The following PDE4B variants were observed in gnomAD, a reference collection of about 807,000 sequenced individuals.
PDE4B encodes phosphodiesterase 4B, also known as 3',5'-cyclic-AMP phosphodiesterase 4B.
Under a neutral mutation model 82.2 loss-of-function variants are expected in PDE4B, and 20 were observed. The ratio of observed to expected loss-of-function variants is 0.24; its 90% CI spans 0.17 to 0.35. PDE4B has a LOEUF of 0.35. Ranked by LOEUF, PDE4B falls within the 10% of genes least tolerant of loss-of-function variation. The pLI, the probability that PDE4B is intolerant of heterozygous loss-of-function variation, is 1.00. For synonymous variants in PDE4B, 320 were observed against 318.9 expected (o/e 1.00, Z -0.04); for missense variants, 655 against 907.2 (o/e 0.72, Z 3.57).
chr1:65,817,290 C>A, intron 1 of PDE4B, among the ~76,000 whole-genome samples: 1 of 152,232 alleles, frequency 6.6e-6, no homozygotes, highest in African/African-American at 2.4e-5. Context: ...GCATTCAGAA[C>A]CTTGTTGACA....
chr1:66,098,901 C>A (rs1215052918), intron 3 of PDE4B, among the ~76,000 whole-genome samples: 1 of 152,128 alleles, frequency 6.6e-6, no homozygotes, highest in Non-Finnish European at 1.5e-5. Flanking sequence ...CATGCACACA[C>A]AAATATAGAT....
chr1:66,318,975 T>G (rs551004953), intron 7 of PDE4B, among the ~76,000 whole-genome samples: 2 of 152,296 alleles, frequency 1.3e-5, no homozygotes, highest in Admixed American at 6.5e-5. Context: ...ATAATCTCAT[T>G]TGTAAAAATG....
intron 3 of PDE4B, among the ~76,000 whole-genome samples, chr1:66,163,229 G>T (rs1646653179): frequency 6.6e-6 from 1 of 152,286 alleles, no homozygotes; most frequent in South Asian, 2.1e-4. Context: ...AAGATTTACT[G>T]GTAGGTAGGA....
intron 9 of PDE4B, among the ~76,000 whole-genome samples, chr1:66,356,331 T>C (rs1662239714): frequency 6.6e-6 from 1 of 152,210 alleles, no homozygotes; most frequent in Non-Finnish European, 1.5e-5. Flanking sequence ...TTGTCATGCG[T>C]GTTATTTGAT....
chr1:66,080,448 G>T (rs754965766), intron 3 of PDE4B, among the ~76,000 whole-genome samples: 4 of 152,146 alleles, frequency 2.6e-5, no homozygotes, highest in Non-Finnish European at 5.9e-5. Flanking sequence ...AAAGGGAAAA[G>T]AAGAGACTTC....
At chr1:66,192,567 C>A (rs527504093) in intron 3 of PDE4B, among the ~76,000 whole-genome samples, 1 of 152,214 alleles carries the variant, frequency 6.6e-6, no homozygotes, top group South Asian at 2.1e-4. Context: ...ATATTTATAC[C>A]CATTACCCCT....
chr1:65,986,960 A>G (rs1650987271), intron 3 of PDE4B, among the ~76,000 whole-genome samples: 1 of 152,194 alleles, frequency 6.6e-6, no homozygotes, highest in South Asian at 2.1e-4. Context: ...ATACTGGGAA[A>G]AAGGAAACTT....
chr1:66,197,629 C>A (rs1411993406), intron 3 of PDE4B, among the ~76,000 whole-genome samples: 1 of 152,114 alleles, frequency 6.6e-6, no homozygotes, highest in Non-Finnish European at 1.5e-5. Context: ...ATATACATCT[C>A]AAAGAGTAGT....
chr1:65,816,753 C>T lies in PDE4B; in HGVS notation c.-71+23505C>T, dbSNP rs372643624. 5.9e-5 allele frequency among the ~76,000 whole-genome samples: 9 copies of T among 151,894 alleles called. No homozygotes were observed. In the East Asian group the frequency reaches 1.3e-3, roughly 23 times the overall value. On this transcript the variant is annotated intron_variant, in intron 1 of 16. Coordinates refer to ENST00000341517, the MANE Select transcript of PDE4B (RefSeq NM_002600.4). Reference sequence around the variant, plus strand: ...TTGATTTGGGAAAATTAATATGATACAGTATAAATTAGATAAAAACAAGAT... The same window carrying T: ...TTGATTTGGGAAAATTAATATGATATAGTATAAATTAGATAAAAACAAGAT...
rs533916988 is a variant in PDE4B, at chr1:65,886,124, TTTAA to T, written c.-70-27116_-70-27113del. The stretch of plus-strand genomic sequence containing the variant: ...CATTTTGAAATGACATTTGTATATA[TTTAA>T]TTAAATAAAATCTATTGTTAAAACA... On this transcript the variant is annotated intron_variant, in intron 1 of 16. Transcript: ENST00000341517. Among the ~76,000 whole-genome samples, 27 of 151,826 alleles carry T rather than the reference TTTAA, an allele frequency of 1.8e-4. No individual in the cohort carries two copies. The East Asian group carries it at 4.6e-3, about 26-fold the overall frequency.
chr1:66,170,949 T>A (rs1379257685), intron 3 of PDE4B, among the ~76,000 whole-genome samples: 2 of 152,210 alleles, frequency 1.3e-5, no homozygotes, highest in African/African-American at 4.8e-5. Flanking sequence ...GAGATTAAAC[T>A]TTGAACTGCT....
chr1:65,808,430 A>G (rs1386224310), intron 1 of PDE4B, among the ~76,000 whole-genome samples: 1 of 152,202 alleles, frequency 6.6e-6, no homozygotes, highest in Non-Finnish European at 1.5e-5. Context: ...TCAGCTTCCC[A>G]AAGTGCTGAG....
In PDE4B at chr1:65,886,178, CA is replaced by C. The variant is rs1003831940; in HGVS notation, c.-70-27058del. On this transcript the variant is annotated intron_variant, in intron 1 of 16. Coordinates refer to ENST00000341517, the MANE Select transcript of PDE4B (RefSeq NM_002600.4). Reference sequence around the variant, plus strand: ...AAAAAAATAAATTGCTGAATCTATCCAAAAAAAAAGAAAATGCTTTGTAAAC... The same window carrying C: ...AAAAAAATAAATTGCTGAATCTATCCAAAAAAAAGAAAATGCTTTGTAAAC... 7.7e-4 allele frequency among the ~76,000 whole-genome samples: 114 copies of C among 148,214 alleles called. 1 individual carries two copies. The highest frequency in any genetic ancestry group is 2.0e-3 in the African/African-American group (80 of 40,420).
chr1:66,083,160 G>A (rs1656828848), intron 3 of PDE4B, among the ~76,000 whole-genome samples: 1 of 151,992 alleles, frequency 6.6e-6, no homozygotes, highest in South Asian at 2.1e-4. Context: ...TTCTCTGCCT[G>A]CGTGGCCACA....
intron 8 of PDE4B, among the ~76,000 whole-genome samples, chr1:66,351,945 C>T (rs1244616232): frequency 1.3e-5 from 2 of 152,182 alleles, no homozygotes; most frequent in Non-Finnish European, 2.9e-5. Context: ...CTGGACTCTA[C>T]ATATACTAGA....
At position 66,034,547 on chromosome 1, in the gene PDE4B, C is replaced by T. The variant is rs189937839; in HGVS notation, c.281+115712C>T. Among the ~76,000 whole-genome samples, 370 of 152,222 alleles carry T rather than the reference C, an allele frequency of 2.4e-3. 5 individuals are homozygous for T. The highest frequency in any genetic ancestry group is 0.017 in the Admixed American group (263 of 15,282). On this transcript the variant is annotated intron_variant, in intron 3 of 16. Transcript: ENST00000341517. ...CTGGCTTAACTACAAAAACCATTAT[C>T]TAAAATCCATACCAAACATTAAAAG... is the stretch of plus-strand genomic sequence containing the variant.
chr1:66,263,839 G>A (rs567463128), intron 6 of PDE4B, among the ~76,000 whole-genome samples: 5 of 152,256 alleles, frequency 3.3e-5, no homozygotes, highest in African/African-American at 1.2e-4. Context: ...CCTTGACAGG[G>A]GAATGAATGG....
chr1:66,335,051 C>T (rs1487699896), intron 8 of PDE4B, among the ~76,000 whole-genome samples: 1 of 152,222 alleles, frequency 6.6e-6, no homozygotes, highest in African/African-American at 2.4e-5. Flanking sequence ...TCTGAGATTT[C>T]CATCCAAGTT....
chr1:66,111,694 C>T (rs973751443), intron 3 of PDE4B, among the ~76,000 whole-genome samples: 1 of 152,056 alleles, frequency 6.6e-6, no homozygotes, highest in African/African-American at 2.4e-5. Flanking sequence ...AGAAGAAAGG[C>T]ACTGTCCTCA....
Sources: allele counts gnomAD v4.1 joint callset (sites outside exome capture counted in the v4.1 genomes callset), GRCh38; gene constraint gnomAD v4.1.1; transcripts MANE v1.5; gene names NCBI Gene and HGNC (gene_info 2026-07-23, HGNC 2026-07-21).